The following ATXN2 variants were observed in gnomAD, a reference collection of about 807,000 sequenced individuals.
The protein encoded by ATXN2 is ataxin-2.
A neutral mutation model predicts 138.6 loss-of-function variants in ATXN2; 37 were observed. That is an observed-to-expected ratio of 0.27 (90% CI 0.21 to 0.35). The LOEUF (loss-of-function observed/expected upper bound fraction) is 0.35. Among genes scored for constraint, ATXN2 ranks in the 10% least tolerant of loss-of-function variants. The pLI is 1.00. For synonymous variants in ATXN2, 549 were observed against 543.7 expected, an observed-to-expected ratio of 1.01 and a Z score of -0.13; for missense variants, 1,216 against 1,480.3, an observed-to-expected ratio of 0.82 and a Z score of 2.93.
At chr12:111,566,364 G>A (rs1278785319) in intron 1 of ATXN2, among the ~76,000 whole-genome samples, 6 of 150,856 alleles carry the variant, frequency 4.0e-5, no homozygotes, top group Non-Finnish European at 7.4e-5. Flanking sequence ...CCCGGGAGGC[G>A]GAGGTTGCGG....
intron 21 of ATXN2, among the ~76,000 whole-genome samples, chr12:111,459,607 A>G (rs556691088): frequency 6.6e-6 from 1 of 151,738 alleles, no homozygotes; most frequent in South Asian, 2.1e-4. Flanking sequence ...TGCCTGGCTG[A>G]TTTTTGTATT....
At chr12:111,578,827 G>T (rs1883826278) in intron 1 of ATXN2, among the ~76,000 whole-genome samples, 1 of 152,102 alleles carries the variant, frequency 6.6e-6, no homozygotes, top group Non-Finnish European at 1.5e-5. Flanking sequence ...AATCACTTGA[G>T]CCCAGGAGTT....
At chr12:111,577,038 C>T (rs565242883) in intron 1 of ATXN2, among the ~76,000 whole-genome samples, 1 of 151,932 alleles carries the variant, frequency 6.6e-6, no homozygotes, top group South Asian at 2.1e-4. Flanking sequence ...AACTCCTGAC[C>T]TCAGGTGATC....
chr12:111,533,705 A>T (rs112002450), intron 5 of ATXN2, among the ~76,000 whole-genome samples: 11 of 152,140 alleles, frequency 7.2e-5, no homozygotes, highest in African/African-American at 2.6e-4. Context: ...TTTTGTACTT[A>T]TAGTAGAGCT....
intron 14 of ATXN2, among the ~76,000 whole-genome samples, chr12:111,493,903 G>T (rs894927716): frequency 2.8e-4 from 42 of 150,960 alleles, no homozygotes; most frequent in African/African-American, 9.0e-4. Flanking sequence ...GCTGGGATTA[G>T]GCGTGAGCCA....
chr12:111,488,420 TAA>T (rs370840378), intron 15 of ATXN2, 54 bp downstream of exon 15: 63 of 1,079,186 alleles, frequency 5.8e-5, no homozygotes, highest in Middle Eastern at 2.3e-4. Context: ...TAAATGCCTT[TAA>T]AAAAAAAAAA....
chr12:111,506,152 C>G (rs1464865253), intron 14 of ATXN2, among the ~76,000 whole-genome samples: 1 of 152,062 alleles, frequency 6.6e-6, no homozygotes, highest in African/African-American at 2.4e-5. Flanking sequence ...ATAAGCCCAT[C>G]CATAGAGACA....
At chr12:111,490,032 G>A (rs966390733) in intron 14 of ATXN2, among the ~76,000 whole-genome samples, 11 of 149,252 alleles carry the variant, frequency 7.4e-5, no homozygotes, top group Non-Finnish European at 1.0e-4. Flanking sequence ...GTGAAACTCC[G>A]TCTCTACTAA....
At position 111,563,751 on chromosome 12, in the gene ATXN2, G is replaced by A. The variant is rs573404035; in HGVS notation, c.252-7832C>T. ...TTTTTAATTGGAGACTATAAGTGAT[G>A]TGATTTGTTAACTCTATTTAATGCA... On this transcript the variant is annotated intron_variant, in intron 1 of 24. Transcript: ENST00000673436. Among the ~76,000 whole-genome samples the A allele has an allele frequency of 1.6e-4, 24 of 152,226 alleles. No homozygotes were observed. In the South Asian group the frequency reaches 5.0e-3, roughly 32 times the overall value.
chr12:111,576,961 A>AAAAT (rs1044773180), intron 1 of ATXN2, among the ~76,000 whole-genome samples: 4 of 151,684 alleles, frequency 2.6e-5, no homozygotes, highest in East Asian at 4.0e-4. Context: ...CCGTCTCCAA[A>AAAAT]AAATAAATAA....
intron 5 of ATXN2, among the ~76,000 whole-genome samples, chr12:111,530,357 T>C (rs1880749018): frequency 6.6e-6 from 1 of 152,210 alleles, no homozygotes; most frequent in Non-Finnish European, 1.5e-5. Flanking sequence ...CAATGAGTGC[T>C]ACAATACAAT....
At chr12:111,579,033 G>A (rs757095827) in intron 1 of ATXN2, among the ~76,000 whole-genome samples, 1 of 151,874 alleles carries the variant, frequency 6.6e-6, no homozygotes, top group Non-Finnish European at 1.5e-5. Context: ...GCAAGACCCT[G>A]CCTCAAAAAA....
intron 18 of ATXN2, among the ~76,000 whole-genome samples, chr12:111,480,799 A>AAG (rs1156499240): frequency 6.6e-6 from 1 of 152,208 alleles, no homozygotes; most frequent in Non-Finnish European, 1.5e-5. Context: ...ATTAACTCAA[A>AAG]AGAGATTGTA....
chr12:111,581,750 C>T (rs1884017815), intron 1 of ATXN2: 6 of 612,982 alleles, frequency 9.8e-6, no homozygotes, highest in South Asian at 6.8e-5. Context: ...CAGCATCATC[C>T]CAGTGTTGAT....
intron 5 of ATXN2, among the ~76,000 whole-genome samples, chr12:111,528,601 T>C (rs1174268742): frequency 6.6e-6 from 1 of 152,246 alleles, no homozygotes; most frequent in Non-Finnish European, 1.5e-5. Context: ...ACAGGTTATG[T>C]AGCAGTCTGT....
In ATXN2 at chr12:111,452,536, T is replaced by A; in HGVS notation, c.*276A>T. The A allele has an allele frequency of 2.8e-6, 1 of 351,856 alleles. No homozygotes were observed. The highest frequency in any genetic ancestry group is 4.9e-5 in the East Asian group (1 of 20,508). The allele number at this position is 351,856 out of a possible 1,614,324, so 21.8% of individuals were successfully genotyped here. A position where few individuals can be genotyped will look rare whatever the true frequency, so the allele number is the denominator to read the frequency against. ...CTTTCAAGGGTTATTAAAAAATAAA[T>A]AACTTCCAGTTTCGGCAAGCAGAGC... On this transcript the variant is annotated 3_prime_UTR_variant, in exon 25 of 25. Coordinates refer to ENST00000673436, the MANE Select transcript of ATXN2 (RefSeq NM_001372574.1).
At chr12:111,505,055 C>A (rs1004076906) in intron 14 of ATXN2, among the ~76,000 whole-genome samples, 7 of 152,086 alleles carry the variant, frequency 4.6e-5, no homozygotes, top group African/African-American at 1.7e-4. Context: ...GAAATTCTGT[C>A]TCTACAAAAA....
At chr12:111,597,114 G>C (rs1347517532) in intron 1 of ATXN2, among the ~76,000 whole-genome samples, 1 of 148,850 alleles carries the variant, frequency 6.7e-6, no homozygotes, top group African/African-American at 2.5e-5. Flanking sequence ...GAACTAGTTT[G>C]GCTAAGTAGT....
At chr12:111,564,366 T>C (rs1016844689) in intron 1 of ATXN2, among the ~76,000 whole-genome samples, 2 of 152,086 alleles carry the variant, frequency 1.3e-5, no homozygotes, top group African/African-American at 4.8e-5. Flanking sequence ...GCTATCAATC[T>C]TTAAATCAGG....
Sources: allele counts gnomAD v4.1 joint callset (sites outside exome capture counted in the v4.1 genomes callset), GRCh38; gene constraint gnomAD v4.1.1; transcripts MANE v1.5; gene names NCBI Gene and HGNC (gene_info 2026-07-23, HGNC 2026-07-21).